The following PLPPR1 variants were observed in gnomAD, a reference collection of about 807,000 sequenced individuals.
PLPPR1 encodes the protein phospholipid phosphatase related 1.
PLPPR1 carries 10 observed loss-of-function variants against 33.1 expected under a neutral mutation model. The observed-to-expected ratio is 0.30, with a 90% CI of 0.19 to 0.51. The LOEUF (loss-of-function observed/expected upper bound fraction) is 0.51. Among genes scored for constraint, PLPPR1 ranks in the 20% least tolerant of loss-of-function variants. PLPPR1 has a pLI of 0.97. For synonymous variants in PLPPR1, 151 were observed against 151.0 expected, an observed-to-expected ratio of 1.00 and a Z score of 0.00; for missense variants, 304 against 408.1, an observed-to-expected ratio of 0.74 and a Z score of 2.20.
chr9:101,063,110 A>G (rs1830366186), intron 1 of PLPPR1, among the ~76,000 whole-genome samples: 1 of 152,064 alleles, frequency 6.6e-6, no homozygotes, highest in Admixed American at 6.6e-5. Context: ...TGTTTTCTAA[A>G]ACATATAAAG....
At chr9:101,184,021 T>C (rs1167753129) in intron 1 of PLPPR1, among the ~76,000 whole-genome samples, 2 of 151,686 alleles carry the variant, frequency 1.3e-5, no homozygotes, top group East Asian at 3.9e-4. Flanking sequence ...TTCTAAGATA[T>C]TTGGGTTAAG....
At chr9:101,187,553 G>T (rs1203976672) in intron 2 of PLPPR1, 1 of 151,974 alleles carries the variant, frequency 6.6e-6, no homozygotes, top group East Asian at 1.9e-4. Context: ...AAAGGGAAGG[G>T]AAGTAGGACA....
intron 1 of PLPPR1, among the ~76,000 whole-genome samples, chr9:101,074,750 T>C (rs1435978744): frequency 3.3e-5 from 5 of 151,728 alleles, no homozygotes; most frequent in African/African-American, 1.2e-4. Flanking sequence ...GTTTGTATAC[T>C]GGATGAGCTA....
At chr9:101,237,816 CATATATAT>C (rs768518442) in intron 2 of PLPPR1, among the ~76,000 whole-genome samples, 1 of 72,228 alleles carries the variant, frequency 1.4e-5, no homozygotes, top group South Asian at 5.1e-4. Flanking sequence ...CCATTGTGTG[CATATATAT>C]ATATATATAT....
In PLPPR1 at chr9:101,324,791, CCCTGT is replaced by C. The variant is rs1193751827; in HGVS notation, c.*736_*740del. On this transcript the variant is annotated 3_prime_UTR_variant, in exon 8 of 8. Transcript: ENST00000374874. ...CCAAAAAGCAGCCAACATCAGCCTC[CCCTGT>C]CAACTCAACAGTTTTGTATCTCATA... The C allele has an allele frequency of 6.6e-6, 1 of 152,566 alleles. No homozygotes were observed. The highest frequency in any genetic ancestry group is 1.5e-5 in the Non-Finnish European group (1 of 68,020). 9.5% of individuals were successfully genotyped at this position (152,566 alleles called of 1,614,324 possible).
intron 2 of PLPPR1, among the ~76,000 whole-genome samples, chr9:101,242,240 CT>C (rs529626978): frequency 3.3e-3 from 452 of 137,928 alleles, no homozygotes; most frequent in Admixed American, 5.1e-3. Context: ...AGCTGGAATT[CT>C]TTTTTTTTTT....
intron 4 of PLPPR1, among the ~76,000 whole-genome samples, chr9:101,293,156 G>A (rs1339159724): frequency 6.6e-6 from 1 of 151,806 alleles, no homozygotes; most frequent in Non-Finnish European, 1.5e-5. Flanking sequence ...TGCAATCCTA[G>A]TCTCTGATAA....
At chr9:101,203,183 TTC>T (rs1461018848) in intron 2 of PLPPR1, among the ~76,000 whole-genome samples, 4 of 152,176 alleles carry the variant, frequency 2.6e-5, no homozygotes, top group African/African-American at 9.7e-5. Context: ...AGACACAGTA[TTC>T]TTTCACATTA....
At chr9:101,311,163 T>C (rs1254600755) in intron 5 of PLPPR1, among the ~76,000 whole-genome samples, 1 of 130,856 alleles carries the variant, frequency 7.6e-6, no homozygotes, top group Non-Finnish European at 1.8e-5. Context: ...AAAATTATTC[T>C]GTTACTTATA....
intron 1 of PLPPR1, among the ~76,000 whole-genome samples, chr9:101,049,086 G>T (rs190623587): frequency 4.5e-4 from 68 of 152,290 alleles, no homozygotes; most frequent in Middle Eastern, 3.4e-3. Flanking sequence ...TTTTCATTGA[G>T]CACTGGCACT....
chr9:101,249,714 G>A (rs1033038266), intron 2 of PLPPR1, among the ~76,000 whole-genome samples: 3 of 152,070 alleles, frequency 2.0e-5, no homozygotes, highest in Admixed American at 6.6e-5. Context: ...TTAGGTGAGC[G>A]TTATGAAATG....
At chr9:101,240,412 G>GTTTTTT (rs767244520) in intron 2 of PLPPR1, among the ~76,000 whole-genome samples, 1 of 151,502 alleles carries the variant, frequency 6.6e-6, no homozygotes, top group African/African-American at 2.4e-5. Context: ...TTTTAGAATT[G>GTTTTTT]TTTTTTTCTC....
intron 4 of PLPPR1, among the ~76,000 whole-genome samples, chr9:101,291,922 C>T (rs1828517011): frequency 6.6e-6 from 1 of 152,280 alleles, no homozygotes; most frequent in Non-Finnish European, 1.5e-5. Context: ...TCACCAGCAA[C>T]AGAACAAAGC....
chr9:101,039,697 A>G (rs1479341688), intron 1 of PLPPR1, among the ~76,000 whole-genome samples: 1 of 152,130 alleles, frequency 6.6e-6, no homozygotes, highest in African/African-American at 2.4e-5. Context: ...GTCACATCTT[A>G]CGTGGATGGT....
intron 5 of PLPPR1, 43 bp from the exon 6 acceptor site, chr9:101,312,755 A>C: frequency 6.4e-7 from 1 of 1,568,656 alleles, no homozygotes; most frequent in Non-Finnish European, 8.7e-7. Flanking sequence ...CTCATAGCAC[A>C]AGGCAGCTGC....
intron 3 of PLPPR1, among the ~76,000 whole-genome samples, chr9:101,278,283 G>A (rs1828232973): frequency 1.3e-5 from 2 of 151,972 alleles, no homozygotes; most frequent in Admixed American, 6.6e-5. Context: ...GTTATTTATT[G>A]CGTACCACAT....
At chr9:101,143,380 C>G (rs529411144) in intron 1 of PLPPR1, among the ~76,000 whole-genome samples, 13 of 152,022 alleles carry the variant, frequency 8.6e-5, no homozygotes, top group African/African-American at 3.1e-4. Flanking sequence ...GTTCATATAT[C>G]GAAGCCCTAA....
intron 2 of PLPPR1, among the ~76,000 whole-genome samples, chr9:101,238,049 AT>A (rs1214450118): frequency 7.2e-6 from 1 of 137,942 alleles, no homozygotes; most frequent in Non-Finnish European, 1.6e-5. Flanking sequence ...GTGTATATAT[AT>A]ATAGCCTATA....
chr9:101,082,252 C>T (rs1404733603), intron 1 of PLPPR1, among the ~76,000 whole-genome samples: 1 of 152,106 alleles, frequency 6.6e-6, no homozygotes, highest in African/African-American at 2.4e-5. Flanking sequence ...CTATTACAGT[C>T]CCTAGGTTTA....
Sources: gnomAD v4.1 joint callset for allele counts (sites outside exome capture counted in the v4.1 genomes callset) on GRCh38, gnomAD v4.1.1 for gene constraint, MANE v1.5 for transcripts, NCBI Gene and HGNC (gene_info 2026-07-23, HGNC 2026-07-21) for gene names.